CARS2: variants seen among roughly 807,000 people sequenced by gnomAD.
The protein encoded by CARS2 is cysteinyl-tRNA synthetase 2, mitochondrial.
CARS2 carries 52 observed loss-of-function variants against 68.8 expected under a neutral mutation model. That is an observed-to-expected ratio of 0.76 (90% CI 0.61 to 0.95). The LOEUF is 0.95. CARS2 is among the 40% of genes least tolerant of loss of function. The probability of loss-of-function intolerance (pLI) is 0.00; values close to 1 mark genes in which losing one functional copy is unlikely to be tolerated. For missense variants in CARS2, 780 were observed against 754.2 expected (o/e 1.03, Z -0.40); for synonymous variants, 314 against 303.6 (o/e 1.03, Z -0.36).
At chr13:110,702,078 T>G (rs1414728372) in intron 2 of CARS2, among the ~76,000 whole-genome samples, 1 of 152,222 alleles carries the variant, frequency 6.6e-6, no homozygotes, top group African/African-American at 2.4e-5. Context: ...AATTCAGACT[T>G]GTAAAACTAA....
intron 1 of CARS2, chr13:110,712,611 C>T (rs773615135): frequency 6.6e-6 from 3 of 455,480 alleles, no homozygotes; most frequent in Middle Eastern, 3.5e-4. Flanking sequence ...GCCCAAAATC[C>T]GGGAGCTTTG....
intron 7 of CARS2, among the ~76,000 whole-genome samples, chr13:110,673,331 G>A (rs1309305879): frequency 3.3e-5 from 5 of 152,116 alleles, no homozygotes; most frequent in Admixed American, 1.3e-4. Flanking sequence ...CTGGCAAACC[G>A]AATCCAGCAG....
Position 110,670,154 on chromosome 13 carries a change from G to C in CARS2, c.786-2681C>G, listed in dbSNP as rs575955790. ...GGGACAGGGCATAGCTGAACAAAAG[G>C]CAGCAGAAACTTCTGCAGACTTAAA... On this transcript the variant is annotated intron_variant, in intron 7 of 14. Transcript: ENST00000257347. The surrounding 1 kb of genome is among the most constrained non-coding windows in gnomAD (Gnocchi z 4.1). Among the ~76,000 whole-genome samples, 21 of 152,322 alleles carry C rather than the reference G, an allele frequency of 1.4e-4. No individual in the cohort carries two copies. The highest frequency in any genetic ancestry group is 5.1e-4 in the African/African-American group (21 of 41,576).
At position 110,652,868 on chromosome 13, in the gene CARS2, C is replaced by T. The variant is rs1017409476; in HGVS notation, c.988-1768G>A. ...GTGTTTATTTCTGCCAGCCTTGCAC[C>T]GAAATGGGTATTTCCTTCGATGGTC... On this transcript the variant is annotated intron_variant, in intron 9 of 14. Coordinates refer to ENST00000257347, the MANE Select transcript of CARS2 (RefSeq NM_024537.4). 1.5e-4 allele frequency among the ~76,000 whole-genome samples: 23 copies of T among 152,226 alleles called. No homozygotes were observed. In the East Asian group the frequency reaches 1.7e-3, roughly 11 times the overall value.
At chr13:110,666,553 T>C (rs1259699622) in intron 8 of CARS2, 3 of 985,260 alleles carry the variant, frequency 3.0e-6, no homozygotes, top group Non-Finnish European at 3.6e-6. Flanking sequence ...GCAATCAGCC[T>C]CATGTACTTT....
intron 10 of CARS2, chr13:110,650,765 G>A (rs1230962441): frequency 5.3e-5 from 21 of 395,536 alleles, no homozygotes; most frequent in South Asian, 4.1e-4. Context: ...GAGGTGCTGC[G>A]GGTTCACGAC....
At chr13:110,662,136 A>G (rs532095180) in intron 9 of CARS2, among the ~76,000 whole-genome samples, 1 of 152,390 alleles carries the variant, frequency 6.6e-6, no homozygotes, top group East Asian at 1.9e-4. Flanking sequence ...GTGAAGCTCA[A>G]TAAAGCAAGG....
chr13:110,704,857 T>C (rs1051746162), intron 2 of CARS2, among the ~76,000 whole-genome samples: 2 of 152,214 alleles, frequency 1.3e-5, no homozygotes, highest in Non-Finnish European at 2.9e-5. Flanking sequence ...TTTGGAAATG[T>C]ACAAAATATT....
intron 10 of CARS2, among the ~76,000 whole-genome samples, chr13:110,649,933 T>G (rs74241854): frequency 0.053 from 162 of 3,056 alleles, no homozygotes; most frequent in Admixed American, 0.089. Context: ...GATAACGACT[T>G]TTTTTTTTTT....
chr13:110,666,794 TAA>T, intron 8 of CARS2: 2 of 985,414 alleles, frequency 2.0e-6, no homozygotes, highest in Non-Finnish European at 2.4e-6. Flanking sequence ...CCCCAAAAGG[TAA>T]TAAGACTAGT....
chr13:110,710,678 T>A (rs972189152), upstream of CARS2, among the ~76,000 whole-genome samples: 1 of 152,222 alleles, frequency 6.6e-6, no homozygotes, highest in Non-Finnish European at 1.5e-5. Flanking sequence ...TGCTTGATCT[T>A]CTAAGTTTGT....
chr13:110,692,887 A>G (rs940207073), intron 3 of CARS2, among the ~76,000 whole-genome samples: 1 of 152,048 alleles, frequency 6.6e-6, no homozygotes. Context: ...CAAGGTGGGC[A>G]GATCATGAGG....
chr13:110,662,624 A>T (rs747995907), intron 9 of CARS2, among the ~76,000 whole-genome samples: 16 of 152,262 alleles, frequency 1.1e-4, no homozygotes, highest in Middle Eastern at 3.2e-3. Flanking sequence ...TACACAGCAA[A>T]TACAGCAAAA....
chr13:110,695,775 C>CT (rs59287460), intron 3 of CARS2, among the ~76,000 whole-genome samples: 20,152 of 144,250 alleles, frequency 0.14, 2,010 homozygotes, highest in African/African-American at 0.28. Context: ...AAAGAATTAC[C>CT]TTTTTTTTTT....
In CARS2 at chr13:110,641,559, T is replaced by G; in HGVS notation, c.1673A>C (p.Lys558Thr). 6.2e-7 allele frequency: 1 copy of G among 1,614,116 alleles called. No homozygotes were observed. The highest frequency in any genetic ancestry group is 1.3e-5 in the African/African-American group (1 of 75,052). The change falls in exon 15 of 15, where the codon AAA becomes ACA. Residue 558 changes from lysine (K) to threonine (T), a missense_variant. By Grantham distance (78) the Lys-to-Thr change is moderately conservative (BLOSUM62 -1). Transcript: ENST00000257347. The stretch of plus-strand genomic sequence containing the variant: ...TCCTCAGCCCGCTGATTTTTGGTCT[T>G]TTGTCCTTTGATCCAGCAGTTCCCA... ...STWELLDQRT[K>T]DQKSAG is the part of the protein sequence containing the mutation.
In CARS2 at chr13:110,642,541, G is replaced by A. The variant is rs1440390972; in HGVS notation, c.1417-20C>T. 6.2e-7 allele frequency: 1 copy of A among 1,607,056 alleles called. No individual in the cohort carries two copies. The highest frequency in any genetic ancestry group is 8.5e-7 in the Non-Finnish European group (1 of 1,176,644). On this transcript the variant is annotated intron_variant, in intron 13 of 14. Coordinates refer to ENST00000257347, the MANE Select transcript of CARS2 (RefSeq NM_024537.4). ...AACGTACTGAAGCCAGCAGGGCGCG[G>A]TTACGTCCCCCGGAGACTGTGGATT...
At chr13:110,712,189 G>A (rs956382758) in intron 1 of CARS2, 2 of 151,212 alleles carry the variant, frequency 1.3e-5, no homozygotes, top group African/African-American at 5.0e-5. Flanking sequence ...CAAGGGCTGG[G>A]GACAGGGCTT....
chr13:110,663,427 GATACA>G lies in CARS2; in HGVS notation c.987+19_987+23del, dbSNP rs2062563304. Reference sequence around the variant, plus strand: ...TTCCACAAGCTATCGGCACCTCAGAGATACAATACAAAAAGCACGTTACCTTAATA... The same window carrying G: ...TTCCACAAGCTATCGGCACCTCAGAGATACAAAAAGCACGTTACCTTAATA... On this transcript the variant is annotated intron_variant, in intron 9 of 14. Coordinates refer to ENST00000257347, the MANE Select transcript of CARS2 (RefSeq NM_024537.4). 6.2e-7 allele frequency: 1 copy of G among 1,606,690 alleles called. No individual in the cohort carries two copies. The highest frequency in any genetic ancestry group is 1.3e-5 in the African/African-American group (1 of 74,558).
chr13:110,674,655 C>T (rs1449444597), intron 7 of CARS2, among the ~76,000 whole-genome samples: 1 of 152,120 alleles, frequency 6.6e-6, no homozygotes, highest in African/African-American at 2.4e-5. Context: ...TGGGCAAGGA[C>T]TTCATGACTA....
Sources: allele counts gnomAD v4.1 joint callset (sites outside exome capture counted in the v4.1 genomes callset), GRCh38; gene constraint gnomAD v4.1.1; non-coding constraint Gnocchi (gnomAD v3.1); transcripts MANE v1.5; gene names NCBI Gene and HGNC (gene_info 2026-07-23, HGNC 2026-07-21).